The following RBFOX1 variants were observed in gnomAD, a reference collection of about 807,000 sequenced individuals.
RBFOX1 encodes the protein RNA binding protein fox-1 homolog 1.
In RBFOX1, 8 loss-of-function variants were observed where a neutral mutation model predicts 57.7. That is an observed-to-expected ratio of 0.14 (90% CI 0.08 to 0.25). The LOEUF (loss-of-function observed/expected upper bound fraction) is 0.25, where lower values mean the gene tolerates loss of function less well. Ranked by LOEUF, RBFOX1 falls within the 10% of genes least tolerant of loss-of-function variation. The pLI is 1.00. For missense variants in RBFOX1, 611 were observed against 548.5 expected (o/e 1.11, Z -1.14); for synonymous variants, 326 against 222.4 (o/e 1.47, Z -4.15).
chr16:6,490,812 A>G (rs1421273680), intron 2 of RBFOX1, among the ~76,000 whole-genome samples: 1 of 152,098 alleles, frequency 6.6e-6, no homozygotes, highest in African/African-American at 2.4e-5. Flanking sequence ...GGCCCAATAA[A>G]CTCACGTTTG....
intron 4 of RBFOX1, among the ~76,000 whole-genome samples, chr16:7,174,374 T>C (rs927730628): frequency 1.3e-5 from 2 of 152,224 alleles, no homozygotes; most frequent in Non-Finnish European, 2.9e-5. Context: ...AGAATGTTAC[T>C]ATGAACACTT....
intron 1 of RBFOX1, among the ~76,000 whole-genome samples, chr16:6,224,642 T>C (rs976750725): frequency 5.3e-5 from 8 of 152,148 alleles, no homozygotes; most frequent in African/African-American, 1.9e-4. Flanking sequence ...TACCACCTAC[T>C]CTAGAAAGAG....
In RBFOX1 at chr16:7,143,797, G is replaced by A. The variant is rs546779372; in HGVS notation, c.27+91699G>A. Among the ~76,000 whole-genome samples, 38 of 152,228 alleles carry A rather than the reference G, an allele frequency of 2.5e-4. 1 individual carries two copies. In the South Asian group the frequency reaches 7.5e-3, roughly 30 times the overall value. The stretch of plus-strand genomic sequence containing the variant: ...ACTGAGTATCTACACTGTGCTTACT[G>A]TGTATACTGCTTATACACAGTATAT... On this transcript the variant is annotated intron_variant, in intron 4 of 15. Transcript: ENST00000550418.
intron 2 of RBFOX1, among the ~76,000 whole-genome samples, chr16:6,368,256 C>T (rs1478766157): frequency 6.6e-6 from 1 of 152,112 alleles, no homozygotes; most frequent in Non-Finnish European, 1.5e-5. Flanking sequence ...TCTCTTAATC[C>T]AGGCTTTCCA....
chr16:6,689,379 C>G lies in RBFOX1; in HGVS notation c.-16+34729C>G, dbSNP rs74328072. On this transcript the variant is annotated intron_variant, in intron 3 of 15. Coordinates refer to ENST00000550418, the MANE Select transcript of RBFOX1 (RefSeq NM_018723.4). ...CTCCACATATATTATATATGAAAATCTAGATTTATTTGATGTGGGCAATAG... is the reference window on the plus strand; with the variant it reads ...CTCCACATATATTATATATGAAAATGTAGATTTATTTGATGTGGGCAATAG... 4.6e-3 allele frequency among the ~76,000 whole-genome samples: 702 copies of G among 152,166 alleles called. 6 individuals are homozygous for G. Among genetic ancestry groups the G allele is most frequent in the African/African-American group, 0.016 (670 of 41,512 alleles).
intron 2 of RBFOX1, among the ~76,000 whole-genome samples, chr16:6,335,716 T>G (rs976305585): frequency 7.8e-5 from 11 of 140,242 alleles, no homozygotes; most frequent in African/African-American, 2.8e-4. Context: ...AGCCGGAGAT[T>G]GCAGTAAGCT....
chr16:7,116,926 T>C (rs1379555728), intron 4 of RBFOX1, among the ~76,000 whole-genome samples: 1 of 152,108 alleles, frequency 6.6e-6, no homozygotes, highest in Non-Finnish European at 1.5e-5. Context: ...AGTTTGGGGT[T>C]CTTTGGGAGG....
intron 3 of RBFOX1, among the ~76,000 whole-genome samples, chr16:6,940,879 G>GTGTGTGTGTGTGTGTGTGTGTGTGTGTT (rs1555653223): frequency 7.2e-6 from 1 of 138,566 alleles, no homozygotes; most frequent in African/African-American, 2.8e-5. Context: ...GTGTGTGTGT[G>GTGTGTGTGTGTGTGTGTGTGTGTGTGTT]TGTGTGTGTG....
At chr16:6,641,103 A>G (rs1028298564) in intron 2 of RBFOX1, among the ~76,000 whole-genome samples, 3 of 152,198 alleles carry the variant, frequency 2.0e-5, no homozygotes, top group Non-Finnish European at 1.5e-5. Context: ...CTAAACCTCA[A>G]TTTGATAATT....
At chr16:6,807,743 G>C (rs2087221841) in intron 3 of RBFOX1, among the ~76,000 whole-genome samples, 1 of 152,078 alleles carries the variant, frequency 6.6e-6, no homozygotes, top group Non-Finnish European at 1.5e-5. Context: ...TTGAATCCAG[G>C]AGATGGAGGT....
chr16:6,634,258 A>G (rs1402981237), intron 2 of RBFOX1, among the ~76,000 whole-genome samples: 1 of 152,132 alleles, frequency 6.6e-6, no homozygotes, highest in Non-Finnish European at 1.5e-5. Context: ...TCCTTTAAGA[A>G]AATGATTAGT....
At chr16:7,332,854 C>G (rs949979029) in intron 4 of RBFOX1, 13 of 1,454,270 alleles carry the variant, frequency 8.9e-6, no homozygotes, top group Admixed American at 4.8e-5. Flanking sequence ...TCTTTCTTTC[C>G]TCTCCCGGCG....
intron 4 of RBFOX1, among the ~76,000 whole-genome samples, chr16:7,273,174 C>T (rs1263740809): frequency 7.2e-6 from 1 of 139,616 alleles, no homozygotes; most frequent in Non-Finnish European, 1.5e-5. Flanking sequence ...TCCTCTCTCC[C>T]TCCCTTCCTT....
At chr16:7,104,611 G>C (rs2063255138) in intron 4 of RBFOX1, among the ~76,000 whole-genome samples, 1 of 152,148 alleles carries the variant, frequency 6.6e-6, no homozygotes, top group Non-Finnish European at 1.5e-5. Context: ...CTCTTGCTGT[G>C]ATATTGCTAA....
intron 3 of RBFOX1, among the ~76,000 whole-genome samples, chr16:6,839,107 C>G (rs1603630839): frequency 6.6e-6 from 1 of 151,930 alleles, no homozygotes; most frequent in Non-Finnish European, 1.5e-5. Context: ...GCCTCAGCCT[C>G]CCAAGTAGGT....
At chr16:7,669,051 C>G (rs534448667) in intron 13 of RBFOX1, among the ~76,000 whole-genome samples, 1 of 152,170 alleles carries the variant, frequency 6.6e-6, no homozygotes, top group East Asian at 1.9e-4. Flanking sequence ...ATTACAGGCA[C>G]TCGCCACCAT....
intron 14 of RBFOX1, among the ~76,000 whole-genome samples, chr16:7,689,530 C>G (rs533946977): frequency 1.4e-4 from 21 of 152,154 alleles, no homozygotes; most frequent in African/African-American, 4.6e-4. Context: ...ATTACCAGAC[C>G]TCTCTCCTGG....
At chr16:6,126,074 A>G (rs1402895455) in intron 1 of RBFOX1, among the ~76,000 whole-genome samples, 1 of 152,204 alleles carries the variant, frequency 6.6e-6, no homozygotes, top group African/African-American at 2.4e-5. Context: ...TCTGTGATTC[A>G]TTGAACAGTC....
In RBFOX1 at chr16:6,870,321, G is replaced by A. The variant is rs974583067; in HGVS notation, c.-15-181736G>A. Among the ~76,000 whole-genome samples, 3 of 152,136 alleles carry A rather than the reference G, an allele frequency of 2.0e-5. No homozygotes were observed. The East Asian group carries it at 5.8e-4, about 29-fold the overall frequency. ...TGTTTGTCAGCACTACTGAAATTCAGCACTGCTAGGAAACAGAAATCTGAT... is the reference window on the plus strand; with the variant it reads ...TGTTTGTCAGCACTACTGAAATTCAACACTGCTAGGAAACAGAAATCTGAT... On this transcript the variant is annotated intron_variant, in intron 3 of 15. Coordinates refer to ENST00000550418, the MANE Select transcript of RBFOX1 (RefSeq NM_018723.4).
Sources: gnomAD v4.1 joint callset for allele counts (sites outside exome capture counted in the v4.1 genomes callset) on GRCh38, gnomAD v4.1.1 for gene constraint, MANE v1.5 for transcripts, NCBI Gene and HGNC (gene_info 2026-07-23, HGNC 2026-07-21) for gene names.